The following RCAN1 variants were observed in gnomAD, a reference collection of about 807,000 sequenced individuals.
RCAN1 encodes calcipressin-1.
In RCAN1, 11 loss-of-function variants were observed where a neutral mutation model predicts 22.9. The ratio of observed to expected loss-of-function variants is 0.48; its 90% CI spans 0.30 to 0.79. The LOEUF (loss-of-function observed/expected upper bound fraction) is 0.79, where lower values mean the gene tolerates loss of function less well. RCAN1 is among the 30% of genes least tolerant of loss of function. RCAN1 has a pLI of 0.06. For missense variants in RCAN1, 291 were observed against 337.8 expected, an observed-to-expected ratio of 0.86 and a Z score of 1.09; for synonymous variants, 136 against 142.3, an observed-to-expected ratio of 0.96 and a Z score of 0.32.
At chr21:34,531,201 C>T (rs1436504651) in intron 1 of RCAN1, among the ~76,000 whole-genome samples, 3 of 152,204 alleles carry the variant, frequency 2.0e-5, no homozygotes, top group Non-Finnish European at 4.4e-5. Context: ...ACATCAGTTG[C>T]CTTTCTATTT....
chr21:34,589,774 C>T (rs1431892764), intron 1 of RCAN1, among the ~76,000 whole-genome samples: 1 of 152,220 alleles, frequency 6.6e-6, no homozygotes, highest in East Asian at 1.9e-4. Context: ...TCATCTTCTC[C>T]CACCCTCGGG....
intron 1 of RCAN1, among the ~76,000 whole-genome samples, chr21:34,593,735 T>G (rs757620885): frequency 6.6e-6 from 1 of 152,132 alleles, no homozygotes; most frequent in Non-Finnish European, 1.5e-5. Flanking sequence ...GGGGAAAGGA[T>G]ATGCATGGTT....
chr21:34,571,879 T>C (rs2123683759), intron 1 of RCAN1, among the ~76,000 whole-genome samples: 1 of 152,360 alleles, frequency 6.6e-6, no homozygotes, highest in Admixed American at 6.5e-5. Flanking sequence ...TAAAACCATT[T>C]AGACAATTTA....
rs1436867660 is a variant in RCAN1, at chr21:34,518,266, G to C, written c.587-10C>G. 3.7e-6 allele frequency: 6 copies of C among 1,612,898 alleles called. No individual in the cohort carries two copies. The highest frequency in any genetic ancestry group is 3.4e-6 in the Non-Finnish European group (4 of 1,179,254). ...AATTCATACTTTTCCCCTAAGGAGG[G>C]AAAATAATCGCAGGGTCACTCAGAC... On this transcript the variant is annotated splice_polypyrimidine_tract_variant and intron_variant, in intron 3 of 3. Coordinates refer to ENST00000313806, the MANE Select transcript of RCAN1 (RefSeq NM_004414.7). This position sits in a 1 kb window ranked among gnomAD's most constrained non-coding sequence, Gnocchi z 4.2.
At chr21:34,521,737 C>A in intron 2 of RCAN1, 79 bp from the exon 3 acceptor site, 1 of 1,223,502 alleles carries the variant, frequency 8.2e-7, no homozygotes, top group Non-Finnish European at 1.1e-6. Flanking sequence ...ACGCCAGTTC[C>A]GGGAGATGGG....
intron 1 of RCAN1, among the ~76,000 whole-genome samples, chr21:34,558,817 G>A (rs967011485): frequency 1.4e-4 from 22 of 152,108 alleles, no homozygotes; most frequent in African/African-American, 4.8e-4. Context: ...CCTGTCTGTC[G>A]CAAAATCAAC....
At chr21:34,576,782 G>A (rs1227627184) in intron 1 of RCAN1, among the ~76,000 whole-genome samples, 1 of 152,128 alleles carries the variant, frequency 6.6e-6, no homozygotes, top group African/African-American at 2.4e-5. Flanking sequence ...ACAAGCAGGT[G>A]GAAGAAAATC....
At chr21:34,577,329 G>A (rs1195439448) in intron 1 of RCAN1, among the ~76,000 whole-genome samples, 1 of 152,190 alleles carries the variant, frequency 6.6e-6, no homozygotes, top group Non-Finnish European at 1.5e-5. Flanking sequence ...CAGTCATGGT[G>A]GCACGTGCCT....
chr21:34,573,668 C>A (rs1987311332), intron 1 of RCAN1, among the ~76,000 whole-genome samples: 2 of 152,194 alleles, frequency 1.3e-5, no homozygotes, highest in African/African-American at 4.8e-5. Context: ...CACTGCTCCC[C>A]TGTGTGCTAC....
chr21:34,525,005 GA>G, intron 1 of RCAN1: 1 of 1,526,210 alleles, frequency 6.6e-7, no homozygotes, highest in Non-Finnish European at 8.8e-7. Flanking sequence ...GAGCCCGTGT[GA>G]AAGGCAGAAG....
At chr21:34,566,299 T>C (rs147505749) in intron 1 of RCAN1, among the ~76,000 whole-genome samples, 162 of 152,286 alleles carry the variant, frequency 1.1e-3, no homozygotes, top group Non-Finnish European at 1.9e-3. Flanking sequence ...ATTCCAGGAC[T>C]AGGGTCTGTG....
intron 1 of RCAN1, among the ~76,000 whole-genome samples, chr21:34,558,864 T>C (rs1568908295): frequency 6.6e-6 from 1 of 152,136 alleles, no homozygotes; most frequent in Non-Finnish European, 1.5e-5. Flanking sequence ...TCCAATGGAA[T>C]TCAGGGAATC....
At chr21:34,594,320 G>A (rs767901927) in intron 1 of RCAN1, among the ~76,000 whole-genome samples, 4 of 152,186 alleles carry the variant, frequency 2.6e-5, no homozygotes, top group Non-Finnish European at 2.9e-5. Flanking sequence ...CTGGGAGGCC[G>A]AAGTGGGTGG....
chr21:34,537,184 A>C (rs1985708277), intron 1 of RCAN1, among the ~76,000 whole-genome samples: 1 of 152,226 alleles, frequency 6.6e-6, no homozygotes, highest in Non-Finnish European at 1.5e-5. Flanking sequence ...CACAACTTGG[A>C]TATTATCTCT....
At chr21:34,555,949 G>A (rs2123654423) in intron 1 of RCAN1, among the ~76,000 whole-genome samples, 1 of 151,850 alleles carries the variant, frequency 6.6e-6, no homozygotes, top group East Asian at 1.9e-4. Flanking sequence ...TGTCGTCTCA[G>A]CTACTCGGGA....
intron 1 of RCAN1, among the ~76,000 whole-genome samples, chr21:34,534,889 G>A (rs1985597643): frequency 6.6e-6 from 1 of 152,218 alleles, no homozygotes; most frequent in Admixed American, 6.5e-5. Flanking sequence ...ATCACATGGA[G>A]ACTGGGAGGC....
chr21:34,558,134 GCTGCCGACCATTCACAAGA>G (rs1986650678), intron 1 of RCAN1, among the ~76,000 whole-genome samples: 1 of 152,212 alleles, frequency 6.6e-6, no homozygotes, highest in Non-Finnish European at 1.5e-5. Context: ...TGCTTTTCAT[GCTGCCGACCATTCACAAGA>G]CATTTGGCTA....
chr21:34,550,042 C>T lies in RCAN1; in HGVS notation c.253-26332G>A, dbSNP rs1378277128. Among the ~76,000 whole-genome samples, 11 of 152,268 alleles carry T rather than the reference C, an allele frequency of 7.2e-5. 1 individual carries two copies. The South Asian group carries it at 1.5e-3, about 20-fold the overall frequency. ...GAAGAATGGAAGCACTGCCAAGACT[C>T]CTGAGTGGCAGAGGCCCATTCTATT... is the stretch of plus-strand genomic sequence containing the variant. On this transcript the variant is annotated intron_variant, in intron 1 of 3. Transcript: ENST00000313806.
At position 34,585,388 on chromosome 21, in the gene RCAN1, A is replaced by G. The variant is rs1987753611; in HGVS notation, c.252+29372T>C. 1.3e-5 allele frequency among the ~76,000 whole-genome samples: 2 copies of G among 152,356 alleles called. 1 individual carries two copies. The highest frequency in any genetic ancestry group is 4.1e-4 in the South Asian group (2 of 4,830). On this transcript the variant is annotated intron_variant, in intron 1 of 3. Coordinates refer to ENST00000313806, the MANE Select transcript of RCAN1 (RefSeq NM_004414.7). ...TTTTGTAATATCTAGAATAACCACT[A>G]AAAGAACAGTAATGTCTAACAGGCA...
Sources: gnomAD v4.1 joint callset for allele counts (sites outside exome capture counted in the v4.1 genomes callset) on GRCh38, gnomAD v4.1.1 for gene constraint, Gnocchi (gnomAD v3.1) non-coding constraint, MANE v1.5 for transcripts, NCBI Gene and HGNC (gene_info 2026-07-23, HGNC 2026-07-21) for gene names.